The following DOP1B variants were observed in gnomAD, a reference collection of about 807,000 sequenced individuals.
DOP1B encodes the protein DOP1 leucine zipper like protein B, also known as protein DOP1B.
Under a neutral mutation model 233.5 loss-of-function variants are expected in DOP1B, and 174 were observed. The ratio of observed to expected loss-of-function variants is 0.75; its 90% CI spans 0.66 to 0.85. The LOEUF (loss-of-function observed/expected upper bound fraction) is 0.85, where lower values mean the gene tolerates loss of function less well. DOP1B is among the 40% of genes least tolerant of loss of function. The probability of loss-of-function intolerance (pLI) is 0.00; values close to 1 mark genes in which losing one functional copy is unlikely to be tolerated. For synonymous variants in DOP1B, 1,190 were observed against 1,185.6 expected, an observed-to-expected ratio of 1.00 and a Z score of -0.08; for missense variants, 2,652 against 2,846.6, an observed-to-expected ratio of 0.93 and a Z score of 1.56.
chr21:36,290,027 C>A (rs1466469078), intron 35 of DOP1B, among the ~76,000 whole-genome samples: 1 of 152,092 alleles, frequency 6.6e-6, no homozygotes, highest in Non-Finnish European at 1.5e-5. Flanking sequence ...CAAGAGTGAA[C>A]CCTGATGTAA....
chr21:36,206,778 G>T (rs374993304), intron 4 of DOP1B, among the ~76,000 whole-genome samples: 43 of 152,266 alleles, frequency 2.8e-4, no homozygotes, highest in African/African-American at 1.0e-3. Flanking sequence ...GCAAAGACAA[G>T]CTCTATTTGT....
At chr21:36,157,817 A>G (rs1413920168) in intron 1 of DOP1B, among the ~76,000 whole-genome samples, 1 of 152,148 alleles carries the variant, frequency 6.6e-6, no homozygotes, top group Non-Finnish European at 1.5e-5. Flanking sequence ...CTGTTGCTAA[A>G]TGTTTTTGCT....
rs1396007063 is a variant in DOP1B at position 36,198,949 on chromosome 21, T to C, written c.139-121T>C. Reference sequence around the variant, plus strand: ...AGTCCCTCTGCCCCTTTGTTGTGTATGTCTCTTTCTTACAGCCACACTGGG... The same window carrying C: ...AGTCCCTCTGCCCCTTTGTTGTGTACGTCTCTTTCTTACAGCCACACTGGG... On this transcript the variant is annotated intron_variant, in intron 2 of 36. Coordinates refer to ENST00000691173, the MANE Select transcript of DOP1B (RefSeq NM_001320714.2). 8.5e-6 allele frequency: 9 copies of C among 1,059,658 alleles called. No homozygotes were observed. The East Asian group carries it at 2.0e-4, about 23-fold the overall frequency. 65.6% of individuals were successfully genotyped at this position (1,059,658 alleles called of 1,614,324 possible). A position where few individuals can be genotyped will look rare whatever the true frequency, so the allele number is the denominator to read the frequency against.
At chr21:36,266,071 C>T (rs559106572) in intron 26 of DOP1B, among the ~76,000 whole-genome samples, 2 of 152,342 alleles carry the variant, frequency 1.3e-5, no homozygotes, top group African/African-American at 4.8e-5. Flanking sequence ...GTGCTTTTGA[C>T]AGACCAGCTC....
intron 5 of DOP1B, among the ~76,000 whole-genome samples, chr21:36,210,942 C>A (rs1033753976): frequency 6.6e-6 from 1 of 152,252 alleles, no homozygotes; most frequent in African/African-American, 2.4e-5. Context: ...CGCTCCCACA[C>A]GACTGCCACA....
chr21:36,191,283 A>G (rs1232370590), intron 2 of DOP1B, among the ~76,000 whole-genome samples: 1 of 152,072 alleles, frequency 6.6e-6, no homozygotes, highest in Non-Finnish European at 1.5e-5. Context: ...AAACAGAAAA[A>G]AACCCACATA....
Position 36,178,772 on chromosome 21 carries a change from T to C in DOP1B, c.138+13901T>C, listed in dbSNP as rs931132713. On this transcript the variant is annotated intron_variant, in intron 2 of 36. Coordinates refer to ENST00000691173, the MANE Select transcript of DOP1B (RefSeq NM_001320714.2). The stretch of plus-strand genomic sequence containing the variant: ...ACAGGCATTCCCATTTACCTATCTT[T>C]TAAAAATAGTCTTTTCCTTTTAAAT... Among the ~76,000 whole-genome samples, 5 of 152,232 alleles carry C rather than the reference T, an allele frequency of 3.3e-5. No homozygotes were observed. The East Asian group carries it at 7.7e-4, about 23-fold the overall frequency.
intron 17 of DOP1B, 64 bp downstream of exon 17, chr21:36,238,765 C>A: frequency 1.3e-6 from 2 of 1,508,530 alleles, no homozygotes; most frequent in South Asian, 1.1e-5. Flanking sequence ...GGTGCCTGCC[C>A]AACGTGTGGG....
At chr21:36,161,028 G>A (rs1203810386) in intron 1 of DOP1B, among the ~76,000 whole-genome samples, 2 of 152,178 alleles carry the variant, frequency 1.3e-5, no homozygotes, top group Non-Finnish European at 2.9e-5. Context: ...GAGAAGAGAA[G>A]GAAGAGTCTA....
chr21:36,262,920 T>TAAATA (rs539016204), intron 24 of DOP1B, among the ~76,000 whole-genome samples: 1,443 of 144,218 alleles, frequency 0.01, 20 homozygotes, highest in African/African-American at 0.034. Context: ...AATAAATAAA[T>TAAATA]AAATAAAATA....
At chr21:36,215,233 G>A (rs540487541) in intron 9 of DOP1B, among the ~76,000 whole-genome samples, 15 of 152,008 alleles carry the variant, frequency 9.9e-5, no homozygotes, top group Non-Finnish European at 1.8e-4. Context: ...GGGATCCTGG[G>A]CAAGCCACTT....
intron 13 of DOP1B, among the ~76,000 whole-genome samples, chr21:36,229,764 C>T (rs1020779630): frequency 1.0e-4 from 15 of 150,268 alleles, no homozygotes; most frequent in African/African-American, 2.5e-4. Context: ...TGGGTTCAAG[C>T]GATTCTCATG....
At chr21:36,266,335 C>T (rs1404827212) in intron 26 of DOP1B, among the ~76,000 whole-genome samples, 2 of 152,088 alleles carry the variant, frequency 1.3e-5, no homozygotes, top group Non-Finnish European at 2.9e-5. Flanking sequence ...CGCCACAATG[C>T]CAGCTAATTT....
Position 36,246,259 on chromosome 21 carries a change from G to A in DOP1B, c.4279G>A (p.Gly1427Ser), listed in dbSNP as rs751186289. ...SLFEESLINL[G>S]QDQIWSEHPL... is the part of the protein sequence containing the mutation. ...CTTTGAGGAGAGTCTCATTAACTTG[G>A]GTCAGGACCAGATCTGGAGTGAGCA... Residue 1427 changes from glycine to serine, a missense_variant, in exon 19 of 37, where the codon GGT becomes AGT. Physicochemically the swap from Gly to Ser is moderately conservative, Grantham distance 56 (BLOSUM62 0). Coordinates refer to ENST00000691173, the MANE Select transcript of DOP1B (RefSeq NM_001320714.2). The surrounding 1 kb of genome is among the most constrained non-coding windows in gnomAD (Gnocchi z 5.1). 1.9e-6 allele frequency: 3 copies of A among 1,613,786 alleles called. No individual in the cohort carries two copies. The highest frequency in any genetic ancestry group is 2.5e-6 in the Non-Finnish European group (3 of 1,180,048).
At chr21:36,227,353 C>G (rs9980393) in intron 12 of DOP1B, among the ~76,000 whole-genome samples, 3 of 151,616 alleles carry the variant, frequency 2.0e-5, no homozygotes, top group Admixed American at 1.3e-4. Flanking sequence ...CGAGACCATC[C>G]TGGCTAACAC....
At chr21:36,278,134 T>G (rs746471474) in intron 29 of DOP1B, 50 bp downstream of exon 29, 4 of 1,613,438 alleles carry the variant, frequency 2.5e-6, no homozygotes. Flanking sequence ...AAAAATATGT[T>G]TTCACAAATG....
In DOP1B at chr21:36,248,405, A is replaced by G; in HGVS notation, c.4835A>G (p.Asn1612Ser). ...ACCATGGCTGCAGGTGATCCTGCCA[A>G]CTTGAGGAATGCCAGAAATGCCATT... ...KKTMAAGDPANLRNARNAILE... is the reference protein window; with the variant it reads ...KKTMAAGDPASLRNARNAILE... Residue 1612 changes from asparagine (N) to serine (S), a missense_variant, in exon 21 of 37, where the codon AAC (asparagine) becomes AGC (serine). By Grantham distance (46) the Asn-to-Ser change is conservative (BLOSUM62 1). This residue lies in a region of DOP1B where 2,617 missense variants were observed against 2,794.3 expected (regional missense o/e 0.94). Transcript: ENST00000691173. The G allele has an allele frequency of 6.2e-7, 1 of 1,614,046 alleles. No homozygotes were observed.
intron 2 of DOP1B, among the ~76,000 whole-genome samples, chr21:36,166,353 C>G (rs191402342): frequency 6.6e-6 from 1 of 151,736 alleles, no homozygotes; most frequent in African/African-American, 2.4e-5. Context: ...AGGAGAATGG[C>G]GTGAACCAGG....
At chr21:36,289,580 A>G (rs2067533856) in intron 35 of DOP1B, among the ~76,000 whole-genome samples, 1 of 151,944 alleles carries the variant, frequency 6.6e-6, no homozygotes, top group Non-Finnish European at 1.5e-5. Context: ...AAATGCCTTT[A>G]TTTGGAGCCT....
Sources: allele counts gnomAD v4.1 joint callset (sites outside exome capture counted in the v4.1 genomes callset), GRCh38; gene constraint gnomAD v4.1.1; regional missense constraint gnomAD v4.1.1; non-coding constraint Gnocchi (gnomAD v3.1); transcripts MANE v1.5; gene names NCBI Gene and HGNC (gene_info 2026-07-23, HGNC 2026-07-21).